GUCA1C: variants seen among roughly 807,000 people sequenced by gnomAD.
GUCA1C encodes the protein guanylate cyclase activator 1C.
In GUCA1C, 15 loss-of-function variants were observed where a neutral mutation model predicts 16.2. The ratio of observed to expected loss-of-function variants is 0.93; its 90% CI spans 0.62 to 1.43. The LOEUF (loss-of-function observed/expected upper bound fraction) is 1.43, where lower values mean the gene tolerates loss of function less well. GUCA1C is among the 40% of genes most tolerant of loss of function. The pLI is 0.00. For synonymous variants in GUCA1C, 78 were observed against 85.4 expected (o/e 0.91, Z 0.48); for missense variants, 275 against 244.8 (o/e 1.12, Z -0.82).
chr3:108,942,453 G>A (rs1422435195), intron 1 of GUCA1C, among the ~76,000 whole-genome samples: 1 of 152,148 alleles, frequency 6.6e-6, no homozygotes, highest in Non-Finnish European at 1.5e-5. Context: ...ATATAATCTC[G>A]ATATAACTTT....
chr3:108,949,448 G>A (rs902976713), intron 1 of GUCA1C, among the ~76,000 whole-genome samples: 2 of 152,162 alleles, frequency 1.3e-5, no homozygotes. Context: ...TGTAGACAGA[G>A]GACTCTCCTG....
At chr3:108,914,209 T>G (rs1376233691) in intron 3 of GUCA1C, among the ~76,000 whole-genome samples, 1 of 152,216 alleles carries the variant, frequency 6.6e-6, no homozygotes, top group Non-Finnish European at 1.5e-5. Context: ...CTCATCTCTC[T>G]AACTTCAGGT....
At chr3:108,937,363 C>T (rs1440441935) in intron 1 of GUCA1C, among the ~76,000 whole-genome samples, 2 of 152,144 alleles carry the variant, frequency 1.3e-5, no homozygotes, top group Admixed American at 1.3e-4. Context: ...ACCGTTGCTC[C>T]CTCTCTGTTT....
intron 3 of GUCA1C, among the ~76,000 whole-genome samples, chr3:108,908,695 T>C (rs902427793): frequency 1.3e-5 from 2 of 152,232 alleles, no homozygotes; most frequent in Non-Finnish European, 1.5e-5. Flanking sequence ...TTATTTTTGC[T>C]CATTAGTTCT....
At chr3:108,915,579 A>G (rs1946500307) in intron 3 of GUCA1C, among the ~76,000 whole-genome samples, 1 of 152,176 alleles carries the variant, frequency 6.6e-6, no homozygotes, top group Non-Finnish European at 1.5e-5. Flanking sequence ...GAAAGAGCAG[A>G]TGGAGAAATA....
chr3:108,909,429 G>A (rs538764929), intron 3 of GUCA1C, among the ~76,000 whole-genome samples: 1 of 152,292 alleles, frequency 6.6e-6, no homozygotes, highest in South Asian at 2.1e-4. Flanking sequence ...AGTCCCATGG[G>A]TCAGTGGCAA....
At chr3:108,951,403 T>C (rs543913197) in intron 1 of GUCA1C, among the ~76,000 whole-genome samples, 1 of 152,268 alleles carries the variant, frequency 6.6e-6, no homozygotes, top group East Asian at 1.9e-4. Flanking sequence ...TTGCATACCT[T>C]AGACATACAC....
chr3:108,945,662 C>T (rs1338174337), intron 1 of GUCA1C, among the ~76,000 whole-genome samples: 3 of 152,080 alleles, frequency 2.0e-5, no homozygotes, highest in Admixed American at 2.0e-4. Flanking sequence ...ATTTTTAAAG[C>T]ATCCTGTTTT....
At position 108,931,542 on chromosome 3, in the gene GUCA1C, A is replaced by G. The variant is rs578123594; in HGVS notation, c.205-10957T>C. Reference sequence around the variant, plus strand: ...TGCACCCAGGCAAGTTAATCTTTACAATTTACAGCCAATTCTTCTGTTCCA... The same window carrying G: ...TGCACCCAGGCAAGTTAATCTTTACGATTTACAGCCAATTCTTCTGTTCCA... On this transcript the variant is annotated intron_variant, in intron 1 of 3. Transcript: ENST00000261047. 1.8e-4 allele frequency among the ~76,000 whole-genome samples: 28 copies of G among 152,338 alleles called. No homozygotes were observed. The East Asian group carries it at 5.0e-3, about 27-fold the overall frequency.
At chr3:108,937,287 C>T (rs1946736101) in intron 1 of GUCA1C, among the ~76,000 whole-genome samples, 1 of 152,174 alleles carries the variant, frequency 6.6e-6, no homozygotes, top group Non-Finnish European at 1.5e-5. Flanking sequence ...TCCATTCTCC[C>T]CACCCTGTGC....
chr3:108,933,487 T>C (rs1378099523), intron 1 of GUCA1C, among the ~76,000 whole-genome samples: 2 of 152,150 alleles, frequency 1.3e-5, no homozygotes, highest in East Asian at 1.9e-4. Flanking sequence ...CCATTATATA[T>C]TGTGAATCGT....
rs142579068 is a variant in GUCA1C at position 108,908,427 on chromosome 3, G to A, written c.443-218C>T. Reference sequence around the variant, plus strand: ...ATAAAGATAATGAAACTATTTTTACGTTTAGTTGAAAACATCAGGTAATGC... The same window carrying A: ...ATAAAGATAATGAAACTATTTTTACATTTAGTTGAAAACATCAGGTAATGC... On this transcript the variant is annotated intron_variant, in intron 3 of 3. Coordinates refer to ENST00000261047, the MANE Select transcript of GUCA1C (RefSeq NM_005459.4). Among the ~76,000 whole-genome samples, 1,271 of 149,744 alleles carry A rather than the reference G, an allele frequency of 8.5e-3. 11 individuals carry two copies. The highest frequency in any genetic ancestry group is 0.024 in the African/African-American group (972 of 40,468).
At chr3:108,942,792 G>A (rs757736266) in intron 1 of GUCA1C, among the ~76,000 whole-genome samples, 5 of 152,292 alleles carry the variant, frequency 3.3e-5, no homozygotes, top group African/African-American at 7.2e-5. Context: ...AGATTGTAAA[G>A]TCAATTTAGG....
Position 108,920,511 on chromosome 3 carries a change from TA to T in GUCA1C, c.278del (p.Leu93Ter), listed in dbSNP as rs1377355970. 1.3e-6 allele frequency: 2 copies of T among 1,597,054 alleles called. No individual in the cohort carries two copies. Among genetic ancestry groups the T allele is most frequent in the Non-Finnish European group, 1.7e-6 (2 of 1,164,764 alleles). On this transcript the variant is annotated frameshift_variant, in exon 2 of 4. Coordinates refer to ENST00000261047, the MANE Select transcript of GUCA1C (RefSeq NM_005459.4). LOFTEE classifies it high-confidence loss of function. ...CATCATACAGCTTAAAATACCATTTTAATTTTTGCTCCATTTTTTCTTGCAT... is the reference window on the plus strand; with the variant it reads ...CATCATACAGCTTAAAATACCATTTTATTTTTGCTCCATTTTTTCTTGCAT... ...LIMQEKMEQKLKWYFKLYDAD... is the reference protein window; with the variant it reads ...LIMQEKMEQKXKWYFKLYDAD...
chr3:108,920,609 GAAAT>G (rs750353111), intron 1 of GUCA1C, 24 bp from the exon 2 acceptor site: 1 of 1,300,430 alleles, frequency 7.7e-7, no homozygotes, highest in African/African-American at 1.5e-5. Flanking sequence ...GATGAAAAGA[GAAAT>G]AAATATTTAA....
intron 3 of GUCA1C, among the ~76,000 whole-genome samples, chr3:108,912,843 T>C (rs1189422311): frequency 2.0e-5 from 3 of 152,154 alleles, no homozygotes. Flanking sequence ...CAGTTATTTA[T>C]AGAGCACCTA....
intron 3 of GUCA1C, among the ~76,000 whole-genome samples, chr3:108,915,112 A>G (rs1257700093): frequency 6.6e-6 from 1 of 151,930 alleles, no homozygotes; most frequent in African/African-American, 2.4e-5. Context: ...GCTGCATTTG[A>G]GCTTCCTCCC....
intron 2 of GUCA1C, 90 bp downstream of exon 2, chr3:108,920,346 C>T (rs1183188681): frequency 2.2e-6 from 2 of 910,566 alleles, no homozygotes; most frequent in Non-Finnish European, 3.5e-6. Flanking sequence ...AAATAGCCAA[C>T]CCCATAGACA....
intron 1 of GUCA1C, among the ~76,000 whole-genome samples, chr3:108,921,877 C>T (rs1382031595): frequency 1.3e-5 from 2 of 151,736 alleles, no homozygotes; most frequent in African/African-American, 2.4e-5. Flanking sequence ...TTTGGTGCAC[C>T]CATCACCTGA....
Sources: allele counts gnomAD v4.1 joint callset (sites outside exome capture counted in the v4.1 genomes callset), GRCh38; gene constraint gnomAD v4.1.1; transcripts MANE v1.5; gene names NCBI Gene and HGNC (gene_info 2026-07-23, HGNC 2026-07-21).